ADAMTS9: variants seen among roughly 807,000 people sequenced by gnomAD.
ADAMTS9 encodes ADAM metallopeptidase with thrombospondin type 1 motif 9, also known as A disintegrin and metalloproteinase with thrombospondin motifs 9.
A neutral mutation model predicts 257.1 loss-of-function variants in ADAMTS9; 107 were observed. The observed-to-expected ratio is 0.42, with a 90% confidence interval of 0.36 to 0.49. ADAMTS9 has a LOEUF of 0.49. Ranked by LOEUF, ADAMTS9 falls within the 20% of genes least tolerant of loss-of-function variation. The pLI is 0.03. For missense variants in ADAMTS9, 2,353 were observed against 2,469.1 expected (o/e 0.95, Z 1.00); for synonymous variants, 982 against 880.9 (o/e 1.11, Z -2.03).
chr3:64,524,258 A>G (rs2082884073), intron 38 of ADAMTS9, among the ~76,000 whole-genome samples: 1 of 152,218 alleles, frequency 6.6e-6, no homozygotes. Context: ...AGGAGCTTCA[A>G]TCTCATTTTC....
intron 21 of ADAMTS9, among the ~76,000 whole-genome samples, chr3:64,614,196 T>C (rs1158679874): frequency 6.6e-6 from 1 of 152,242 alleles, no homozygotes; most frequent in Non-Finnish European, 1.5e-5. Flanking sequence ...CGCATATTAT[T>C]GCAAAGGTTT....
intron 23 of ADAMTS9, among the ~76,000 whole-genome samples, chr3:64,605,462 A>AT (rs527268663): frequency 1.7e-4 from 26 of 152,132 alleles, no homozygotes; most frequent in Non-Finnish European, 2.9e-4. Context: ...ATATTAATTT[A>AT]TTTTTTTAAC....
At chr3:64,643,947 C>G (rs2106928437) in intron 11 of ADAMTS9, among the ~76,000 whole-genome samples, 1 of 152,280 alleles carries the variant, frequency 6.6e-6, no homozygotes, top group Admixed American at 6.5e-5. Context: ...TACAACAGGT[C>G]TCACTGGGAC....
intron 12 of ADAMTS9, among the ~76,000 whole-genome samples, chr3:64,638,526 G>A (rs1046816838): frequency 4.6e-5 from 7 of 152,144 alleles, no homozygotes; most frequent in Non-Finnish European, 8.8e-5. Context: ...CAGGGCAACA[G>A]ATAGAACAAG....
chr3:64,595,478 C>G (rs187354843), intron 27 of ADAMTS9, among the ~76,000 whole-genome samples: 21 of 152,346 alleles, frequency 1.4e-4, no homozygotes, highest in Admixed American at 2.6e-4. Flanking sequence ...TCTGTGCTGA[C>G]AGCAAAGCAT....
Position 64,631,892 on chromosome 3 carries a change from C to T in ADAMTS9, c.2209G>A (p.Ala737Thr), listed in dbSNP as rs1700375220. 1 of 1,613,904 alleles carries T rather than the reference C, an allele frequency of 6.2e-7. No homozygotes were observed. Among genetic ancestry groups the T allele is most frequent in the Non-Finnish European group, 8.5e-7 (1 of 1,179,926 alleles). ...AGCDHVLNSK[A>T]RRDKCGVCGG... Reference sequence around the variant, plus strand: ...CAAACCCCACATTTATCTCTCCGGGCTTTTGAGTTTAAAACATGATCGCAT... The same window carrying T: ...CAAACCCCACATTTATCTCTCCGGGTTTTTGAGTTTAAAACATGATCGCAT... The change falls in exon 15 of 40, where the codon GCC becomes ACC. Residue 737 changes from alanine to threonine, a missense_variant. Ala to Thr is a moderately conservative substitution (Grantham distance 58). Transcript: ENST00000498707.
At chr3:64,588,205 G>A (rs566800692) in intron 28 of ADAMTS9, 4 of 152,270 alleles carry the variant, frequency 2.6e-5, no homozygotes, top group African/African-American at 4.8e-5. Context: ...TACCCTAATA[G>A]CAAGTTGTAT....
At position 64,516,292 on chromosome 3, in the gene ADAMTS9, G is replaced by C. The variant is rs981323323; in HGVS notation, c.*835C>G. The C allele has an allele frequency of 6.6e-6, 1 of 152,484 alleles. No homozygotes were observed. Among genetic ancestry groups the C allele is most frequent in the African/African-American group, 2.4e-5 (1 of 41,398 alleles). The allele number at this position is 152,484 out of a possible 1,614,324, so 9.4% of individuals were successfully genotyped here. A position where few individuals can be genotyped will look rare whatever the true frequency, so the allele number is the denominator to read the frequency against. On this transcript the variant is annotated 3_prime_UTR_variant, in exon 40 of 40. Coordinates refer to ENST00000498707, the MANE Select transcript of ADAMTS9 (RefSeq NM_182920.2). ...TCACTCTGTAATGAAGCTGCTTGGG[G>C]GATCCTCCATTTGATTGTGGAGAGA...
chr3:64,586,089 A>G (rs4407403), intron 28 of ADAMTS9, among the ~76,000 whole-genome samples: 91,762 of 151,936 alleles, frequency 0.6, 29,556 homozygotes, highest in African/African-American at 0.81. Flanking sequence ...AAAATCCTAA[A>G]TTCAAATCCT....
rs560964015 is a variant in ADAMTS9 at position 64,615,446 on chromosome 3, C to T, written c.3064G>A (p.Ala1022Thr). 1 of 1,613,926 alleles carries T rather than the reference C, an allele frequency of 6.2e-7. No homozygotes were observed. Among genetic ancestry groups the T allele is most frequent in the East Asian group, 2.2e-5 (1 of 44,854 alleles). The change falls in exon 21 of 40, where the codon GCT becomes ACT. Residue 1022 changes from alanine (A) to threonine (T), a missense_variant. Physicochemically the swap from Ala to Thr is moderately conservative, Grantham distance 58. Transcript: ENST00000498707. ...SCDGGTQRRR[A>T]ICVNTRNDVL... ...TCATTTCGGGTATTGACACAAATAG[C>T]CCTTCTCCTCTGGGTCCCACCGTCA...
intron 28 of ADAMTS9, chr3:64,569,080 G>A (rs1158033687): frequency 6.5e-6 from 1 of 153,792 alleles, no homozygotes; most frequent in African/African-American, 2.4e-5. Context: ...AGGTAAGTCT[G>A]TGCCAATTTT....
At position 64,656,032 on chromosome 3, in the gene ADAMTS9, A is replaced by G. The variant is rs1701061154; in HGVS notation, c.970-157T>C. 7.6e-6 allele frequency: 4 copies of G among 528,398 alleles called. No individual in the cohort carries two copies. The Admixed American group carries it at 1.1e-4, about 15-fold the overall frequency. 32.7% of individuals were successfully genotyped at this position (528,398 alleles called of 1,614,324 possible). Reference sequence around the variant, plus strand: ...TCATTCACTCAACAACACTTTTTGTAAAGTCTCTTCATAAAATTCATAGAT... The same window carrying G: ...TCATTCACTCAACAACACTTTTTGTGAAGTCTCTTCATAAAATTCATAGAT... On this transcript the variant is annotated intron_variant, in intron 4 of 39. Coordinates refer to ENST00000498707, the MANE Select transcript of ADAMTS9 (RefSeq NM_182920.2).
intron 37 of ADAMTS9, among the ~76,000 whole-genome samples, chr3:64,537,112 T>G (rs1441299840): frequency 2.0e-5 from 3 of 152,198 alleles, no homozygotes; most frequent in African/African-American, 7.2e-5. Context: ...TCTAAGGAAT[T>G]GAATTCTTAA....
At position 64,602,070 on chromosome 3, in the gene ADAMTS9, T is replaced by C. The variant is rs1195975814; in HGVS notation, c.3891A>G (p.Gln1297=). The change falls in exon 26 of 40, where the codon CAA becomes CAG. Residue 1297 remains glutamine, a synonymous_variant. Coordinates refer to ENST00000498707, the MANE Select transcript of ADAMTS9 (RefSeq NM_182920.2). ...DQDCSMSPCP[Q]RTPDSGLAQH... The stretch of plus-strand genomic sequence containing the variant: ...GAGCTAAGCCACTGTCTGGGGTCCT[T>C]TGAGGGCATGGTGACATGGAACAGT... 1 of 1,614,060 alleles carries C rather than the reference T, an allele frequency of 6.2e-7. No homozygotes were observed. The highest frequency in any genetic ancestry group is 1.1e-5 in the South Asian group (1 of 91,058).
rs369157541 is a variant in ADAMTS9, at chr3:64,664,021, C to T, written c.680-5230G>A. Among the ~76,000 whole-genome samples, 116 of 152,240 alleles carry T rather than the reference C, an allele frequency of 7.6e-4. 2 individuals are homozygous for T. The South Asian group carries it at 0.022, about 28-fold the overall frequency. ...GTAATAACAGAATAGTTTTCACCAA[C>T]GGAGTACACACTGTTAGGATAAACA... On this transcript the variant is annotated intron_variant, in intron 3 of 39. Coordinates refer to ENST00000498707, the MANE Select transcript of ADAMTS9 (RefSeq NM_182920.2).
intron 18 of ADAMTS9, 60 bp from the exon 19 acceptor site, chr3:64,621,300 G>A: frequency 2.0e-6 from 3 of 1,535,276 alleles, no homozygotes; most frequent in Non-Finnish European, 2.6e-6. Flanking sequence ...AAACTATTTA[G>A]ACCCCGGATT....
chr3:64,648,066 C>T, intron 10 of ADAMTS9, 22 bp from the exon 11 acceptor site: 1 of 1,582,224 alleles, frequency 6.3e-7, no homozygotes, highest in Non-Finnish European at 8.6e-7. Context: ...AATGAAATGG[C>T]AATTGAGTGA....
chr3:64,537,584 A>C (rs76282037), intron 37 of ADAMTS9, among the ~76,000 whole-genome samples: 2,750 of 152,232 alleles, frequency 0.018, 62 homozygotes, highest in South Asian at 0.024. Flanking sequence ...GAGGCCGAAA[A>C]AACGCCTCGT....
chr3:64,651,104 T>A lies in ADAMTS9; in HGVS notation c.1376A>T (p.Gln459Leu). The A allele has an allele frequency of 6.2e-7, 1 of 1,607,054 alleles. No individual in the cohort carries two copies. Among genetic ancestry groups the A allele is most frequent in the Non-Finnish European group, 8.5e-7 (1 of 1,177,658 alleles). ...GTTCAGTGTTGGAGCCATGACATGCTGGGGACTCTTAACTCCTTCTTCTTT... is the reference window on the plus strand; with the variant it reads ...GTTCAGTGTTGGAGCCATGACATGCAGGGGACTCTTAACTCCTTCTTCTTT... Reference protein sequence around the residue: ...KCKEEGVKSPQHVMAPTLNFY... With the variant: ...KCKEEGVKSPLHVMAPTLNFY... The change falls in exon 9 of 40, where the codon CAG (glutamine) becomes CTG (leucine). Residue 459 changes from glutamine (Q) to leucine (L), a missense_variant. Gln to Leu is a moderately radical substitution (Grantham distance 113). Coordinates refer to ENST00000498707, the MANE Select transcript of ADAMTS9 (RefSeq NM_182920.2).
Sources: gnomAD v4.1 joint callset for allele counts (sites outside exome capture counted in the v4.1 genomes callset) on GRCh38, gnomAD v4.1.1 for gene constraint, MANE v1.5 for transcripts, NCBI Gene and HGNC (gene_info 2026-07-23, HGNC 2026-07-21) for gene names.